ARHGEF9: variants seen among roughly 807,000 people sequenced by gnomAD.
The protein encoded by ARHGEF9 is Cdc42 guanine nucleotide exchange factor 9, also known as rho guanine nucleotide exchange factor 9.
Under a neutral mutation model 41.3 loss-of-function variants are expected in ARHGEF9, and 2 were observed. The ratio of observed to expected loss-of-function variants is 0.05; its 90% CI spans 0.02 to 0.15. ARHGEF9 has a LOEUF of 0.15. ARHGEF9 is among the 10% of genes least tolerant of loss of function. ARHGEF9 has a pLI of 1.00. For missense variants in ARHGEF9, 225 were observed against 424.7 expected, an observed-to-expected ratio of 0.53 and a Z score of 4.13; for synonymous variants, 160 against 154.4, an observed-to-expected ratio of 1.04 and a Z score of -0.27.
intron 1 of ARHGEF9, among the ~76,000 whole-genome samples, chrX:63,746,293 G>C (rs1184548872): frequency 1.8e-5 from 2 of 112,188 alleles, no homozygotes; most frequent in Non-Finnish European, 3.8e-5. Context: ...AGAGTGATAA[G>C]GGCAAGAGAA....
chrX:63,701,018 G>C (rs1189276382), intron 3 of ARHGEF9, among the ~76,000 whole-genome samples: 1 of 111,700 alleles, frequency 9.0e-6, no homozygotes, highest in Non-Finnish European at 1.9e-5. Context: ...ATTAGCTCTG[G>C]CATTGTTATG....
At chrX:63,732,508 G>A (rs1205584849) in intron 1 of ARHGEF9, among the ~76,000 whole-genome samples, 5 of 111,145 alleles carry the variant, frequency 4.5e-5, no homozygotes, top group Non-Finnish European at 9.4e-5. Flanking sequence ...GGCTTCCTTG[G>A]CCCTTACAGG....
chrX:63,650,276 C>A (rs1463884096), intron 8 of ARHGEF9, among the ~76,000 whole-genome samples: 1 of 111,297 alleles, frequency 9.0e-6, no homozygotes, highest in African/African-American at 3.3e-5. Context: ...TGAAATCAAC[C>A]TAAATGCCCA....
chrX:63,780,654 GT>G (rs1443310338), intron 1 of ARHGEF9, among the ~76,000 whole-genome samples: 2 of 111,999 alleles, frequency 1.8e-5, no homozygotes, highest in East Asian at 5.6e-4. Flanking sequence ...AACAACTTTG[GT>G]TGGTCAAAGT....
intron 1 of ARHGEF9, among the ~76,000 whole-genome samples, chrX:63,734,047 G>A (rs1431155967): frequency 2.7e-5 from 3 of 112,553 alleles, no homozygotes; most frequent in African/African-American, 9.7e-5. Flanking sequence ...GAAAAGGGTT[G>A]TTGCTTGCTT....
chrX:63,773,489 G>A (rs1303236277), intron 1 of ARHGEF9, among the ~76,000 whole-genome samples: 2 of 112,235 alleles, frequency 1.8e-5, no homozygotes, highest in African/African-American at 3.2e-5. Flanking sequence ...CACAGATACA[G>A]AGTAGCGCAG....
rs2047970519 is a variant in ARHGEF9 at position 63,645,450 on chromosome X, T to C, written c.1322-1402A>G. ...GTGTCCATGTGTTCTCATTGTTCAA[T>C]TCCTACCTATGAGCGAGAACGTGCG... On this transcript the variant is annotated intron_variant, in intron 8 of 9. Coordinates refer to ENST00000671741, the MANE Select transcript of ARHGEF9 (RefSeq NM_001353921.2). 5.4e-5 allele frequency among the ~76,000 whole-genome samples: 6 copies of C among 111,321 alleles called. No homozygotes were observed. The South Asian group carries it at 2.3e-3, about 43-fold the overall frequency.
chrX:63,646,175 A>G (rs1169733701), intron 8 of ARHGEF9, among the ~76,000 whole-genome samples: 5 of 111,338 alleles, frequency 4.5e-5, no homozygotes, highest in African/African-American at 1.6e-4. Flanking sequence ...CCCATTCTGT[A>G]GGTTGCCTGT....
chrX:63,716,132 C>CA (rs1164673317), intron 2 of ARHGEF9: 7 of 110,085 alleles, frequency 6.4e-5, no homozygotes, highest in African/African-American at 2.3e-4. Flanking sequence ...ACAAAAAATA[C>CA]AAAAAATTAG....
intron 8 of ARHGEF9, among the ~76,000 whole-genome samples, chrX:63,646,051 C>T (rs1485180168): frequency 2.7e-5 from 3 of 111,527 alleles, no homozygotes; most frequent in Non-Finnish European, 5.6e-5. Flanking sequence ...CTGTTCATAT[C>T]CTTCACCCAC....
intron 8 of ARHGEF9, among the ~76,000 whole-genome samples, chrX:63,648,863 C>T (rs1299912466): frequency 1.8e-5 from 2 of 111,687 alleles, no homozygotes; most frequent in African/African-American, 6.5e-5. Context: ...AAGGCCATTA[C>T]ATAATGGTAA....
At chrX:63,689,463 G>A (rs1354309911) in intron 4 of ARHGEF9, among the ~76,000 whole-genome samples, 4 of 111,387 alleles carry the variant, frequency 3.6e-5, no homozygotes, top group Admixed American at 9.5e-5. Context: ...TTATAAATTC[G>A]CATGCACCCA....
At chrX:63,780,949 C>T (rs1556461736) in intron 1 of ARHGEF9, among the ~76,000 whole-genome samples, 1 of 111,403 alleles carries the variant, frequency 9.0e-6, no homozygotes. Context: ...TGAAAGTAAA[C>T]AATAATAACA....
intron 1 of ARHGEF9, among the ~76,000 whole-genome samples, chrX:63,762,710 T>C (rs1182856772): frequency 1.8e-5 from 2 of 111,560 alleles, no homozygotes; most frequent in Non-Finnish European, 3.8e-5. Flanking sequence ...AGGTTTGAAC[T>C]GCACAGGTCC....
Position 63,723,203 on chromosome X carries a change from A to G in ARHGEF9, c.210+1329T>C, listed in dbSNP as rs782442594. On this transcript the variant is annotated intron_variant, in intron 2 of 9. Transcript: ENST00000671741. ...ATATCTGTCTAGCACTGTGCTAGAC[A>G]CCTTATTGGCATGTATGATCTAATT... is the stretch of plus-strand genomic sequence containing the variant. Among the ~76,000 whole-genome samples, 76 of 111,557 alleles carry G rather than the reference A, an allele frequency of 6.8e-4. 1 individual carries two copies. The highest frequency in any genetic ancestry group is 6.0e-4 in the Non-Finnish European group (32 of 53,045).
chrX:63,646,999 A>C (rs1556316175), intron 8 of ARHGEF9, among the ~76,000 whole-genome samples: 1 of 111,304 alleles, frequency 9.0e-6, no homozygotes, highest in African/African-American at 3.3e-5. Context: ...GCAATTGTGA[A>C]TGGGAGTTCA....
chrX:63,697,051 C>G, intron 4 of ARHGEF9, 74 bp downstream of exon 4: 1 of 1,097,869 alleles, frequency 9.1e-7, no homozygotes, highest in Non-Finnish European at 1.2e-6. Context: ...TGAACAGAAC[C>G]AGACAGCTCA....
chrX:63,725,228 C>T (rs2147627849), intron 1 of ARHGEF9, among the ~76,000 whole-genome samples: 1 of 110,792 alleles, frequency 9.0e-6, no homozygotes, highest in Admixed American at 9.6e-5. Flanking sequence ...ATTCCTCACG[C>T]ATAATGGACC....
chrX:63,699,599 A>G (rs1280235508), intron 3 of ARHGEF9, among the ~76,000 whole-genome samples: 1 of 112,208 alleles, frequency 8.9e-6, no homozygotes, highest in East Asian at 2.8e-4. Flanking sequence ...GCCACTCTCA[A>G]GGAAATCATT....
Sources: allele counts gnomAD v4.1 joint callset (sites outside exome capture counted in the v4.1 genomes callset), GRCh38; gene constraint gnomAD v4.1.1; transcripts MANE v1.5; gene names NCBI Gene and HGNC (gene_info 2026-07-23, HGNC 2026-07-21).